EEF2K: variants seen among roughly 807,000 people sequenced by gnomAD.
EEF2K encodes the protein eukaryotic elongation factor 2 kinase, also known as alternative protein EEF2K.
EEF2K carries 70 observed loss-of-function variants against 93.8 expected under a neutral mutation model. The ratio of observed to expected loss-of-function variants is 0.75; its 90% CI spans 0.62 to 0.91. The LOEUF is 0.91. EEF2K is among the 40% of genes least tolerant of loss of function. The pLI is 0.00. For synonymous variants in EEF2K, 376 were observed against 380.8 expected (o/e 0.99, Z 0.15); for missense variants, 935 against 972.9 (o/e 0.96, Z 0.52).
rs2047742140 is a variant in EEF2K at position 22,285,087 on chromosome 16, G to A, written c.*1091G>A. 1 of 152,602 alleles carries A rather than the reference G, an allele frequency of 6.6e-6. No individual in the cohort carries two copies. The highest frequency in any genetic ancestry group is 1.5e-5 in the Non-Finnish European group (1 of 68,042). The allele number at this position is 152,602 out of a possible 1,614,324, so 9.5% of individuals were successfully genotyped here. ...ACCTCTAACTCCTACATCAGCTAGT[G>A]TGGAAGAGGGTGCACCTCAAAGCTT... is the stretch of plus-strand genomic sequence containing the variant. On this transcript the variant is annotated 3_prime_UTR_variant, in exon 18 of 18. Coordinates refer to ENST00000263026, the MANE Select transcript of EEF2K (RefSeq NM_013302.5).
At position 22,244,721 on chromosome 16, in the gene EEF2K, C is replaced by T. The variant is rs762801243; in HGVS notation, c.338C>T (p.Thr113Ile). 5.6e-6 allele frequency: 9 copies of T among 1,613,908 alleles called. No homozygotes were observed. The East Asian group carries it at 1.6e-4, about 28-fold the overall frequency. The change falls in exon 3 of 18, where the codon ACT becomes ATT. Residue 113 changes from threonine (T) to isoleucine (I), a missense_variant. Transcript: ENST00000263026. ...GAAGATATTGCCACCGAACGTGCTA[C>T]TCGACACAGGTCAGCAGCTTGTGTG... ...HLEDIATERATRHRYNAVTGE... is the reference protein window; with the variant it reads ...HLEDIATERAIRHRYNAVTGE...
At chr16:22,249,994 C>G (rs1340917885) in intron 4 of EEF2K, among the ~76,000 whole-genome samples, 2 of 151,946 alleles carry the variant, frequency 1.3e-5, no homozygotes, top group African/African-American at 4.8e-5. Context: ...ATTTGTCAGG[C>G]TGGTCTCGAA....
At chr16:22,268,408 T>TC (rs2047545449) in intron 15 of EEF2K, among the ~76,000 whole-genome samples, 4 of 151,930 alleles carry the variant, frequency 2.6e-5, no homozygotes, top group African/African-American at 9.7e-5. Context: ...TGACCTCAGG[T>TC]GATCTGCCCA....
intron 16 of EEF2K, among the ~76,000 whole-genome samples, chr16:22,278,716 T>C (rs1183067209): frequency 6.6e-6 from 1 of 152,110 alleles, no homozygotes; most frequent in Non-Finnish European, 1.5e-5. Context: ...CCTGATATAC[T>C]ATAAATAGTT....
chr16:22,252,121 C>T (rs1276531090), intron 6 of EEF2K, among the ~76,000 whole-genome samples: 3 of 152,204 alleles, frequency 2.0e-5, no homozygotes, highest in Non-Finnish European at 4.4e-5. Context: ...AAAAACAGAG[C>T]TCTGAGGTCG....
chr16:22,269,945 C>T (rs942103666), intron 15 of EEF2K, among the ~76,000 whole-genome samples: 1 of 151,434 alleles, frequency 6.6e-6, no homozygotes, highest in Non-Finnish European at 1.5e-5. Flanking sequence ...ATAGAGATAG[C>T]TTCCTGATTC....
chr16:22,219,113 T>A (rs935303862), intron 1 of EEF2K, among the ~76,000 whole-genome samples: 5 of 152,014 alleles, frequency 3.3e-5, no homozygotes, highest in Non-Finnish European at 7.4e-5. Context: ...CCAGGATAGA[T>A]AGAGACCCCT....
intron 6 of EEF2K, among the ~76,000 whole-genome samples, chr16:22,254,899 C>T (rs2047384910): frequency 6.6e-6 from 1 of 151,932 alleles, no homozygotes; most frequent in Admixed American, 6.6e-5. Flanking sequence ...TGGTAAAACC[C>T]ATCTCTACTA....
intron 6 of EEF2K, among the ~76,000 whole-genome samples, chr16:22,254,130 T>C (rs573489639): frequency 6.6e-6 from 1 of 151,058 alleles, no homozygotes; most frequent in Non-Finnish European, 1.5e-5. Context: ...GTAGTAACAA[T>C]AATAATAATA....
At chr16:22,277,124 T>G (rs1210923992) in intron 16 of EEF2K, among the ~76,000 whole-genome samples, 1 of 152,150 alleles carries the variant, frequency 6.6e-6, no homozygotes, top group Non-Finnish European at 1.5e-5. Context: ...GGTCCATTTT[T>G]TAAATTTAAC....
intron 15 of EEF2K, among the ~76,000 whole-genome samples, chr16:22,272,649 T>G (rs1355844683): frequency 6.6e-5 from 10 of 151,222 alleles, no homozygotes; most frequent in Admixed American, 2.0e-4. Context: ...GTGAATATAC[T>G]AAAAACTACG....
At chr16:22,270,530 T>C (rs1314396540) in intron 15 of EEF2K, among the ~76,000 whole-genome samples, 2 of 152,036 alleles carry the variant, frequency 1.3e-5, no homozygotes. Context: ...GGATTACAGG[T>C]ATAAGCCACC....
intron 11 of EEF2K, 55 bp downstream of exon 11, chr16:22,260,584 G>A (rs2047453256): frequency 1.2e-6 from 2 of 1,606,520 alleles, no homozygotes; most frequent in Middle Eastern, 1.7e-4. Context: ...GGGTAGGAGT[G>A]GATTCACTCC....
At chr16:22,233,133 A>G (rs775390050) in intron 2 of EEF2K, among the ~76,000 whole-genome samples, 1 of 152,186 alleles carries the variant, frequency 6.6e-6, no homozygotes, top group Non-Finnish European at 1.5e-5. Context: ...TAACGTGGGA[A>G]AGTGCCTCTG....
chr16:22,226,846 G>A (rs1229833114), intron 2 of EEF2K, among the ~76,000 whole-genome samples: 1 of 152,186 alleles, frequency 6.6e-6, no homozygotes, highest in East Asian at 1.9e-4. Flanking sequence ...GAGGACAAAA[G>A]GGAGGATCAC....
At chr16:22,271,567 G>T (rs2047582744) in intron 15 of EEF2K, among the ~76,000 whole-genome samples, 1 of 151,604 alleles carries the variant, frequency 6.6e-6, no homozygotes, top group Non-Finnish European at 1.5e-5. Context: ...CTGGTGTGGT[G>T]CACCTGCCTG....
At chr16:22,208,538 A>G (rs1050314197) in intron 1 of EEF2K, among the ~76,000 whole-genome samples, 1 of 152,124 alleles carries the variant, frequency 6.6e-6, no homozygotes, top group Non-Finnish European at 1.5e-5. Context: ...TCAAAAAATA[A>G]AAAAGATCCA....
intron 17 of EEF2K, among the ~76,000 whole-genome samples, chr16:22,280,798 G>A (rs1223151465): frequency 1.3e-5 from 2 of 151,984 alleles, no homozygotes; most frequent in Non-Finnish European, 2.9e-5. Context: ...CTGAGTAGCT[G>A]GGATTACAGG....
Position 22,218,804 on chromosome 16 carries a change from G to C in EEF2K, c.-76-6850G>C, listed in dbSNP as rs372395924. Among the ~76,000 whole-genome samples, 50 of 152,194 alleles carry C rather than the reference G, an allele frequency of 3.3e-4. No homozygotes were observed. In the East Asian group the frequency reaches 6.7e-3, roughly 21 times the overall value. ...ATGGGGCTTGAACCTGGGTCTTCCT[G>C]ACTCACTCAGCTACCTTTCCATAGA... On this transcript the variant is annotated intron_variant, in intron 1 of 17. Coordinates refer to ENST00000263026, the MANE Select transcript of EEF2K (RefSeq NM_013302.5).
Sources: gnomAD v4.1 joint callset for allele counts (sites outside exome capture counted in the v4.1 genomes callset) on GRCh38, gnomAD v4.1.1 for gene constraint, MANE v1.5 for transcripts, NCBI Gene and HGNC (gene_info 2026-07-23, HGNC 2026-07-21) for gene names.